The following ZC3H18 variants were observed in gnomAD, a reference collection of about 807,000 sequenced individuals.
The protein encoded by ZC3H18 is zinc finger CCCH-type containing 18.
ZC3H18 carries 8 observed loss-of-function variants against 106.1 expected under a neutral mutation model. That is an observed-to-expected ratio of 0.08 (90% CI 0.04 to 0.14). ZC3H18 has a LOEUF of 0.14. Ranked by LOEUF, ZC3H18 falls within the 10% of genes least tolerant of loss-of-function variation. The pLI is 1.00. For missense variants in ZC3H18, 1,318 were observed against 1,278.4 expected (o/e 1.03, Z -0.47); for synonymous variants, 635 against 522.1 (o/e 1.22, Z -2.95).
intron 16 of ZC3H18, chr16:88,630,167 T>C: frequency 3.2e-6 from 1 of 312,944 alleles, no homozygotes; most frequent in Non-Finnish European, 5.9e-6. Context: ...GCCATGTCTT[T>C]CTTGTTGTTC....
At chr16:88,571,432 C>T (rs1914400848) in intron 1 of ZC3H18, among the ~76,000 whole-genome samples, 1 of 152,192 alleles carries the variant, frequency 6.6e-6, no homozygotes, top group Non-Finnish European at 1.5e-5. Context: ...GTAGAGTAGT[C>T]CTTTCCCGTT....
intron 6 of ZC3H18, among the ~76,000 whole-genome samples, chr16:88,605,234 C>T (rs1904954717): frequency 1.3e-5 from 2 of 152,224 alleles, no homozygotes; most frequent in African/African-American, 4.8e-5. Flanking sequence ...TAAGACAGGG[C>T]CTGCTCCACA....
At chr16:88,583,063 G>A (rs918153859) in intron 2 of ZC3H18, among the ~76,000 whole-genome samples, 1 of 152,240 alleles carries the variant, frequency 6.6e-6, no homozygotes, top group African/African-American at 2.4e-5. Context: ...TGGTTGGCCT[G>A]AGTGGCCGTG....
intron 2 of ZC3H18, among the ~76,000 whole-genome samples, chr16:88,584,772 C>A (rs1915338397): frequency 6.6e-6 from 1 of 152,186 alleles, no homozygotes; most frequent in Non-Finnish European, 1.5e-5. Flanking sequence ...ACATTGTTCT[C>A]CTTTTTTGCT....
intron 6 of ZC3H18, among the ~76,000 whole-genome samples, chr16:88,606,673 C>T (rs901365518): frequency 7.2e-5 from 11 of 152,200 alleles, no homozygotes; most frequent in Non-Finnish European, 1.3e-4. Context: ...CAGGCTTCCT[C>T]TTCGTTTTTA....
intron 2 of ZC3H18, among the ~76,000 whole-genome samples, chr16:88,580,210 AT>A (rs1915039227): frequency 5.8e-5 from 2 of 34,212 alleles, no homozygotes; most frequent in African/African-American, 1.7e-4. Flanking sequence ...GTGTGTGTGT[AT>A]ATGTATATGT....
rs150103777 is a variant in ZC3H18, at chr16:88,577,547, G to C, written c.424G>C (p.Val142Leu). The C allele has an allele frequency of 7.4e-6, 12 of 1,613,440 alleles. No individual in the cohort carries two copies. The highest frequency in any genetic ancestry group is 1.0e-5 in the Non-Finnish European group (12 of 1,179,966). ...EEVPEEPAPA[V>L]QEDEAEKAGA... ...GGTTCCTGAGGAGCCAGCTCCCGCC[G>C]TCCAGGAGGACGAGGCTGAGAAAGC... The change falls in exon 2 of 18, where the codon GTC (valine) becomes CTC (leucine). Residue 142 changes from valine (V) to leucine (L), a missense_variant. Transcript: ENST00000301011.
chr16:88,582,020 T>C (rs1915162076), intron 2 of ZC3H18, among the ~76,000 whole-genome samples: 1 of 152,190 alleles, frequency 6.6e-6, no homozygotes, highest in Non-Finnish European at 1.5e-5. Context: ...TTTTGTTCCA[T>C]TCTCCTCTTA....
Position 88,622,371 on chromosome 16 carries a change from T to A in ZC3H18, c.1650T>A (p.Ser550=). 1.2e-6 allele frequency: 2 copies of A among 1,610,438 alleles called. No individual in the cohort carries two copies. The highest frequency in any genetic ancestry group is 1.7e-6 in the Non-Finnish European group (2 of 1,178,000). The part of the protein sequence containing the change: ...RRRKTSASSA[S]ASNSSRSSSR... ...GGAAAACATCAGCCTCGTCAGCCTC[T>A]GCCTCTAATTCCTCCAGGTAAGGAG... Residue 550 remains serine, a synonymous_variant, in exon 9 of 18, where the codon TCT becomes TCA. Coordinates refer to ENST00000301011, the MANE Select transcript of ZC3H18 (RefSeq NM_144604.4).
At chr16:88,609,992 T>TC (rs1009080548) in intron 7 of ZC3H18, among the ~76,000 whole-genome samples, 1 of 151,994 alleles carries the variant, frequency 6.6e-6, no homozygotes, top group Admixed American at 6.6e-5. Context: ...GTGTCACTCT[T>TC]CCCCACCCCT....
At position 88,627,835 on chromosome 16, in the gene ZC3H18, G is replaced by C; in HGVS notation, c.2269+53G>C. 1 of 1,610,524 alleles carries C rather than the reference G, an allele frequency of 6.2e-7. No individual in the cohort carries two copies. The highest frequency in any genetic ancestry group is 8.5e-7 in the Non-Finnish European group (1 of 1,177,476). On this transcript the variant is annotated intron_variant, in intron 14 of 17. Coordinates refer to ENST00000301011, the MANE Select transcript of ZC3H18 (RefSeq NM_144604.4). The surrounding 1 kb of genome is among the most constrained non-coding windows in gnomAD (Gnocchi z 4.5). The stretch of plus-strand genomic sequence containing the variant: ...GAGCAGCTCCCGGGGGAGGAGGGCG[G>C]CATCAGCACAGACTTTGCCTGGCTG...
rs763241046 is a variant in ZC3H18 at position 88,628,051 on chromosome 16, C to A, written c.2401C>A (p.Pro801Thr). The A allele has an allele frequency of 5.1e-5, 82 of 1,614,068 alleles. 2 individuals carry two copies. The South Asian group carries it at 8.8e-4, about 17-fold the overall frequency. ...GCAGCCCTCGACACCCCAGCAGGCA[C>A]CCCCCGGGCAGCCCCAGCAGGGCAC... Reference protein sequence around the residue: ...SQQPSTPQQAPPGQPQQGTFV... With the variant: ...SQQPSTPQQATPGQPQQGTFV... Residue 801 changes from proline (P) to threonine (T), a missense_variant, in exon 15 of 18, where the codon CCC (proline) becomes ACC (threonine). Pro to Thr is a conservative substitution (Grantham distance 38, BLOSUM62 -1). This residue lies in a region of ZC3H18 where 848 missense variants were observed against 821.7 expected (regional missense o/e 1.03). Transcript: ENST00000301011.
In ZC3H18 at chr16:88,628,742, C is replaced by T. The variant is rs1906475734; in HGVS notation, c.2470-16C>T. 3 of 1,613,640 alleles carry T rather than the reference C, an allele frequency of 1.9e-6. No individual in the cohort carries two copies. Among genetic ancestry groups the T allele is most frequent in the Admixed American group, 1.7e-5 (1 of 59,992 alleles). ...TCCTGGCCCTGCTGTCCTCACTGGC[C>T]TCTCTCTTGTCCCAGGCGGCTGATA... On this transcript the variant is annotated splice_polypyrimidine_tract_variant and intron_variant, in intron 15 of 17. Transcript: ENST00000301011.
At chr16:88,601,528 CTG>C (rs1326969367) in intron 6 of ZC3H18, among the ~76,000 whole-genome samples, 1 of 152,026 alleles carries the variant, frequency 6.6e-6, no homozygotes, top group Non-Finnish European at 1.5e-5. Context: ...GGAGTGCCCT[CTG>C]TGTGTGTTTT....
chr16:88,603,265 CTGTT>C (rs2142707232), intron 6 of ZC3H18, among the ~76,000 whole-genome samples: 1 of 151,758 alleles, frequency 6.6e-6, no homozygotes, highest in Non-Finnish European at 1.5e-5. Flanking sequence ...CGCACCTGGC[CTGTT>C]TTTTCTTTAT....
At chr16:88,624,815 T>A in intron 12 of ZC3H18, 70 bp downstream of exon 12, 4 of 1,511,264 alleles carry the variant, frequency 2.6e-6, no homozygotes, top group Non-Finnish European at 2.7e-6. Flanking sequence ...CTGGCACTGC[T>A]GGAAATCCAG....
chr16:88,621,087 C>G (rs943774864), intron 8 of ZC3H18, among the ~76,000 whole-genome samples: 1 of 152,128 alleles, frequency 6.6e-6, no homozygotes, highest in African/African-American at 2.4e-5. Flanking sequence ...CTCTGTCGCC[C>G]AGATTGGAGG....
chr16:88,630,620 G>C (rs752254111), intron 17 of ZC3H18, 39 bp downstream of exon 17: 1 of 1,553,286 alleles, frequency 6.4e-7, no homozygotes, highest in Non-Finnish European at 8.7e-7. Context: ...CACACCGAGG[G>C]GGCCAGCCCC....
intron 2 of ZC3H18, among the ~76,000 whole-genome samples, chr16:88,580,502 C>G (rs1915059887): frequency 6.6e-6 from 1 of 152,166 alleles, no homozygotes. Context: ...GTACGCGCCA[C>G]GCCATCCTGT....
Sources: gnomAD v4.1 joint callset for allele counts (sites outside exome capture counted in the v4.1 genomes callset) on GRCh38, gnomAD v4.1.1 for gene constraint, gnomAD v4.1.1 regional missense constraint, Gnocchi (gnomAD v3.1) non-coding constraint, MANE v1.5 for transcripts, NCBI Gene and HGNC (gene_info 2026-07-23, HGNC 2026-07-21) for gene names.